CERS6: variants seen among roughly 807,000 people sequenced by gnomAD.
The protein encoded by CERS6 is LAG1 homolog, ceramide synthase 6.
Under a neutral mutation model 56.8 loss-of-function variants are expected in CERS6, and 26 were observed. The ratio of observed to expected loss-of-function variants is 0.46; its 90% CI spans 0.34 to 0.63. The LOEUF is 0.63. Ranked by LOEUF, CERS6 falls within the 30% of genes least tolerant of loss-of-function variation. The pLI, the probability that CERS6 is intolerant of heterozygous loss-of-function variation, is 0.01. For missense variants in CERS6, 415 were observed against 467.5 expected, an observed-to-expected ratio of 0.89 and a Z score of 1.04; for synonymous variants, 164 against 173.3, an observed-to-expected ratio of 0.95 and a Z score of 0.42.
chr2:168,681,745 C>T (rs780310943), intron 4 of CERS6, among the ~76,000 whole-genome samples: 6 of 152,122 alleles, frequency 3.9e-5, no homozygotes, highest in Non-Finnish European at 5.9e-5. Context: ...TTCTTCCTTT[C>T]TAGCTATATT....
intron 1 of CERS6, among the ~76,000 whole-genome samples, chr2:168,501,425 AT>A (rs1158849881): frequency 6.6e-6 from 1 of 152,198 alleles, no homozygotes; most frequent in Non-Finnish European, 1.5e-5. Context: ...TTTGGCCTGA[AT>A]GGAAGCTGTA....
chr2:168,691,019 TG>T lies in CERS6; in HGVS notation c.466-14del. On this transcript the variant is annotated splice_polypyrimidine_tract_variant and intron_variant, in intron 4 of 9. Transcript: ENST00000305747. ...GTTCTAAAATATGTAAAATATTTTT[TG>T]TCATTTTTTTCAGACCCCCTGGTTG... The T allele has an allele frequency of 6.2e-7, 1 of 1,610,496 alleles. No individual in the cohort carries two copies. The highest frequency in any genetic ancestry group is 8.5e-7 in the Non-Finnish European group (1 of 1,176,858).
intron 6 of CERS6, among the ~76,000 whole-genome samples, chr2:168,700,495 G>A (rs895986454): frequency 6.6e-6 from 1 of 152,100 alleles, no homozygotes; most frequent in Non-Finnish European, 1.5e-5. Flanking sequence ...AAAGGAAAGG[G>A]CATTTTAACA....
intron 4 of CERS6, among the ~76,000 whole-genome samples, chr2:168,674,770 T>G (rs1484096927): frequency 1.3e-5 from 2 of 152,096 alleles, no homozygotes; most frequent in African/African-American, 2.4e-5. Context: ...CAGAGACGGG[T>G]TTTTTTCTTT....
At chr2:168,671,520 G>A (rs1041283958) in intron 4 of CERS6, among the ~76,000 whole-genome samples, 1 of 151,968 alleles carries the variant, frequency 6.6e-6, no homozygotes, top group African/African-American at 2.4e-5. Flanking sequence ...CTCTTCTTGG[G>A]TGTCCTCTTA....
chr2:168,717,549 G>A (rs1421413708), intron 7 of CERS6, among the ~76,000 whole-genome samples: 2 of 152,164 alleles, frequency 1.3e-5, no homozygotes, highest in African/African-American at 4.8e-5. Context: ...TATCATCTAT[G>A]ATGCAAGAAT....
At chr2:168,741,851 A>G (rs531978476) in intron 8 of CERS6, among the ~76,000 whole-genome samples, 3 of 152,334 alleles carry the variant, frequency 2.0e-5, no homozygotes, top group Non-Finnish European at 4.4e-5. Context: ...TCCTTGGTGC[A>G]GGAGGCATGG....
intron 1 of CERS6, among the ~76,000 whole-genome samples, chr2:168,467,131 G>A (rs1020389879): frequency 6.6e-6 from 1 of 152,124 alleles, no homozygotes; most frequent in African/African-American, 2.4e-5. Context: ...AAGACACGGG[G>A]AAGTCTTTGA....
At chr2:168,531,788 T>C (rs1695172035) in intron 1 of CERS6, among the ~76,000 whole-genome samples, 1 of 146,336 alleles carries the variant, frequency 6.8e-6, no homozygotes, top group Admixed American at 7.0e-5. Flanking sequence ...TCCACTGCAC[T>C]CCAGCCTGGG....
intron 3 of CERS6, among the ~76,000 whole-genome samples, chr2:168,628,123 A>G (rs1684631885): frequency 6.6e-6 from 1 of 152,136 alleles, no homozygotes; most frequent in African/African-American, 2.4e-5. Context: ...AAAATTACTA[A>G]TGATTCCTCT....
At chr2:168,712,600 A>G (rs1350805880) in intron 6 of CERS6, among the ~76,000 whole-genome samples, 4 of 152,214 alleles carry the variant, frequency 2.6e-5, no homozygotes, top group Admixed American at 6.5e-5. Flanking sequence ...TAGCGTGATT[A>G]CTTTTTATTC....
chr2:168,761,280 T>C (rs999150066), intron 8 of CERS6, among the ~76,000 whole-genome samples: 4 of 152,156 alleles, frequency 2.6e-5, no homozygotes, highest in Non-Finnish European at 4.4e-5. Flanking sequence ...GTGCCACTGA[T>C]TGTCATGGCA....
At chr2:168,678,173 A>G (rs6715474) in intron 4 of CERS6, among the ~76,000 whole-genome samples, 15,321 of 152,252 alleles carry the variant, frequency 0.1, 1,340 homozygotes, top group African/African-American at 0.23. Context: ...ACAAATATCA[A>G]CACAGTGACA....
chr2:168,714,365 C>A (rs1687174359), intron 6 of CERS6, among the ~76,000 whole-genome samples: 1 of 152,206 alleles, frequency 6.6e-6, no homozygotes, highest in Non-Finnish European at 1.5e-5. Context: ...AGGCTGGGAG[C>A]CATACGATGC....
At chr2:168,757,883 C>G (rs1684461448) in intron 8 of CERS6, among the ~76,000 whole-genome samples, 2 of 152,166 alleles carry the variant, frequency 1.3e-5, no homozygotes, top group African/African-American at 4.8e-5. Flanking sequence ...AGCCGGGGTG[C>G]AGTCTTGTTA....
chr2:168,543,467 TA>T (rs10653060), intron 1 of CERS6, among the ~76,000 whole-genome samples: 33 of 147,934 alleles, frequency 2.2e-4, no homozygotes, highest in African/African-American at 4.2e-4. Context: ...GAACTGGCAT[TA>T]AAAAAAAATC....
At chr2:168,694,910 G>T in intron 5 of CERS6, 49 bp from the exon 6 acceptor site, 1 of 1,410,796 alleles carries the variant, frequency 7.1e-7, no homozygotes. Context: ...GATACAAATT[G>T]GGTTCCCTAT....
chr2:168,566,071 T>C (rs912836170), intron 3 of CERS6, among the ~76,000 whole-genome samples: 1 of 152,202 alleles, frequency 6.6e-6, no homozygotes, highest in African/African-American at 2.4e-5. Context: ...AGAGATAAGA[T>C]GTCAGAATAA....
chr2:168,536,009 G>A (rs762265981), intron 1 of CERS6, among the ~76,000 whole-genome samples: 6 of 151,898 alleles, frequency 4.0e-5, no homozygotes, highest in Non-Finnish European at 7.4e-5. Context: ...CTTTAAAAAT[G>A]TGAAAATCTA....
Sources: allele counts gnomAD v4.1 joint callset (sites outside exome capture counted in the v4.1 genomes callset), GRCh38; gene constraint gnomAD v4.1.1; transcripts MANE v1.5; gene names NCBI Gene and HGNC (gene_info 2026-07-23, HGNC 2026-07-21).